The following SDK2 variants were observed in gnomAD, a reference collection of about 807,000 sequenced individuals.
SDK2 encodes the protein sidekick cell adhesion molecule 2.
In SDK2, 105 loss-of-function variants were observed where a neutral mutation model predicts 253.9. The ratio of observed to expected loss-of-function variants is 0.41; its 90% CI spans 0.35 to 0.49. The LOEUF is 0.49. Ranked by LOEUF, SDK2 falls within the 20% of genes least tolerant of loss-of-function variation. The pLI, the probability that SDK2 is intolerant of heterozygous loss-of-function variation, is 0.06. For synonymous variants in SDK2, 1,249 were observed against 1,234.9 expected, an observed-to-expected ratio of 1.01 and a Z score of -0.24; for missense variants, 2,608 against 3,003.0, an observed-to-expected ratio of 0.87 and a Z score of 3.07.
chr17:73,430,555 G>A lies in SDK2; in HGVS notation c.1539C>T (p.Ala513=). Residue 513 remains alanine, a synonymous_variant, in exon 12 of 45, where the codon GCC becomes GCT. Coordinates refer to ENST00000392650, the MANE Select transcript of SDK2 (RefSeq NM_001144952.2). ...CGTGGGTCACTCCGCACACCATGGA[G>A]GCCTGGGTGCCCTTGATGACACTCT... is the stretch of plus-strand genomic sequence containing the variant. The part of the protein sequence containing the change: ...QDQSVIKGTQ[A]SMVCGVTHDP... 2 of 1,604,610 alleles carry A rather than the reference G, an allele frequency of 1.2e-6. No homozygotes were observed. The highest frequency in any genetic ancestry group is 1.7e-6 in the Non-Finnish European group (2 of 1,175,332).
At chr17:73,400,815 G>A (rs904072809) in intron 21 of SDK2, among the ~76,000 whole-genome samples, 2 of 152,012 alleles carry the variant, frequency 1.3e-5, no homozygotes, top group African/African-American at 4.8e-5. Context: ...CACCACAGCT[G>A]GCTAATTTTT....
intron 1 of SDK2, among the ~76,000 whole-genome samples, chr17:73,563,730 A>T (rs2045271466): frequency 6.6e-6 from 1 of 152,072 alleles, no homozygotes; most frequent in Admixed American, 6.6e-5. Context: ...AGATGAGTGA[A>T]ATCCCATTTC....
chr17:73,488,878 C>T (rs371203160), intron 2 of SDK2, among the ~76,000 whole-genome samples: 84 of 152,150 alleles, frequency 5.5e-4, no homozygotes, highest in Middle Eastern at 6.8e-3. Flanking sequence ...TGTTTTTTAT[C>T]GCACAGTTTG....
Position 73,493,421 on chromosome 17 carries a change from C to G in SDK2, c.224+14017G>C, listed in dbSNP as rs770332369. Among the ~76,000 whole-genome samples, 3 of 152,294 alleles carry G rather than the reference C, an allele frequency of 2.0e-5. No homozygotes were observed. The South Asian group carries it at 6.2e-4, about 32-fold the overall frequency. On this transcript the variant is annotated intron_variant, in intron 2 of 44. Transcript: ENST00000392650. ...GTGGCCAGCGGGGCCCCAGGGCTGC[C>G]AGGATGGGCCATGGAAAATGCATCC... is the stretch of plus-strand genomic sequence containing the variant.
Position 73,431,276 on chromosome 17 carries a change from A to G in SDK2, c.1480+226T>C, listed in dbSNP as rs372082706. Among the ~76,000 whole-genome samples the G allele has an allele frequency of 1.1e-4, 17 of 152,272 alleles. No individual in the cohort carries two copies. Among genetic ancestry groups the G allele is most frequent in the African/African-American group, 4.1e-4 (17 of 41,548 alleles). On this transcript the variant is annotated intron_variant, in intron 11 of 44. Transcript: ENST00000392650. The surrounding 1 kb of genome is among the most constrained non-coding windows in gnomAD (Gnocchi z 5.6). ...CTCCTATAACTTCAATGTTCTCTCA[A>G]GTCGGCCAAGCATAGCATCACCGGC...
rs192668958 is a variant in SDK2, at chr17:73,456,014, A to G, written c.371T>C (p.Val124Ala). ...GATGACAGCTGCTTCTCCGTGGGAG[A>G]CGCTCTGGTGCTTCTCACCTTCCTC... ...SFEEGEKHQS[V>A]SHGEAAVIRA... Residue 124 changes from valine (V) to alanine (A), a missense_variant, in exon 4 of 45, where the codon GTC becomes GCC. Transcript: ENST00000392650. The G allele has an allele frequency of 4.8e-3, 7,423 of 1,540,958 alleles. 584 individuals carry two copies. In the Admixed American group the frequency reaches 0.14, roughly 28 times the overall value.
chr17:73,450,867 C>T (rs966790065), intron 4 of SDK2, among the ~76,000 whole-genome samples: 1 of 152,190 alleles, frequency 6.6e-6, no homozygotes, highest in African/African-American at 2.4e-5. Context: ...AGTGATCAGG[C>T]CCCAGATGTC....
intron 12 of SDK2, among the ~76,000 whole-genome samples, chr17:73,425,386 C>T (rs1193375225): frequency 1.3e-5 from 2 of 152,258 alleles, no homozygotes; most frequent in East Asian, 1.9e-4. Flanking sequence ...ATCTTCCAGA[C>T]CCTTCTTCCC....
At chr17:73,533,553 T>C (rs1400448713) in intron 1 of SDK2, among the ~76,000 whole-genome samples, 1 of 152,150 alleles carries the variant, frequency 6.6e-6, no homozygotes, top group Non-Finnish European at 1.5e-5. Flanking sequence ...CACCATCACT[T>C]CCCTGGCACA....
intron 11 of SDK2, 45 bp from the exon 12 acceptor site, chr17:73,430,658 G>T: frequency 3.0e-6 from 4 of 1,327,096 alleles, no homozygotes; most frequent in Admixed American, 2.8e-5. Flanking sequence ...AGGTGTGGGG[G>T]CTGTGTGGCT....
At position 73,431,787 on chromosome 17, in the gene SDK2, A is replaced by G. The variant is rs369088111; in HGVS notation, c.1313-118T>C. ...AGGCCCCTGGCTCTGGAAATGCTGG[A>G]AGGAATGAGGACAGATGGCGGTGGG... On this transcript the variant is annotated intron_variant, in intron 10 of 44. Coordinates refer to ENST00000392650, the MANE Select transcript of SDK2 (RefSeq NM_001144952.2). This position sits in a 1 kb window ranked among gnomAD's most constrained non-coding sequence, Gnocchi z 5.6. 1.9e-4 allele frequency: 214 copies of G among 1,128,230 alleles called. 2 individuals carry two copies. The African/African-American group carries it at 2.1e-3, about 11-fold the overall frequency. The allele number at this position is 1,128,230 out of a possible 1,614,324, so 69.9% of individuals were successfully genotyped here.
intron 14 of SDK2, among the ~76,000 whole-genome samples, chr17:73,423,067 G>A (rs1003080386): frequency 3.0e-5 from 4 of 134,696 alleles, no homozygotes; most frequent in African/African-American, 8.9e-5. Context: ...AATGCAATGC[G>A]AATTATGCCT....
chr17:73,525,559 A>C (rs1356350690), intron 1 of SDK2, among the ~76,000 whole-genome samples: 1 of 152,192 alleles, frequency 6.6e-6, no homozygotes, highest in Non-Finnish European at 1.5e-5. Flanking sequence ...TGGGAACCGG[A>C]GGCTCACTGA....
intron 1 of SDK2, among the ~76,000 whole-genome samples, chr17:73,628,786 G>T (rs1011780075): frequency 3.9e-5 from 6 of 152,224 alleles, no homozygotes; most frequent in Admixed American, 3.9e-4. Context: ...ACTTCAGAGA[G>T]GTGCTGGGGC....
chr17:73,530,693 TAC>T (rs755542191), intron 1 of SDK2, among the ~76,000 whole-genome samples: 4 of 152,196 alleles, frequency 2.6e-5, no homozygotes, highest in Non-Finnish European at 5.9e-5. Context: ...CACCTGGTCT[TAC>T]AGTCTCAATT....
intron 1 of SDK2, among the ~76,000 whole-genome samples, chr17:73,586,210 C>G (rs1050282173): frequency 3.9e-5 from 6 of 152,164 alleles, no homozygotes; most frequent in Admixed American, 1.3e-4. Flanking sequence ...TTCTCCCCAC[C>G]ATGCCTCTCC....
chr17:73,390,161 G>T, intron 29 of SDK2, 126 bp downstream of exon 29: 1 of 821,522 alleles, frequency 1.2e-6, no homozygotes, highest in Non-Finnish European at 1.8e-6. Flanking sequence ...AGAGATTGGA[G>T]CCCACCTTCC....
intron 1 of SDK2, among the ~76,000 whole-genome samples, chr17:73,585,507 G>A (rs960597882): frequency 3.9e-5 from 6 of 152,182 alleles, no homozygotes; most frequent in African/African-American, 1.4e-4. Flanking sequence ...GCGGGTCTGT[G>A]GGCCACACTC....
chr17:73,569,041 C>T (rs899058941), intron 1 of SDK2, among the ~76,000 whole-genome samples: 1 of 152,136 alleles, frequency 6.6e-6, no homozygotes, highest in South Asian at 2.1e-4. Flanking sequence ...GAACTGCTGT[C>T]TCCAAGTTGT....
Sources: allele counts gnomAD v4.1 joint callset (sites outside exome capture counted in the v4.1 genomes callset), GRCh38; gene constraint gnomAD v4.1.1; non-coding constraint Gnocchi (gnomAD v3.1); transcripts MANE v1.5; gene names NCBI Gene and HGNC (gene_info 2026-07-23, HGNC 2026-07-21).